Variants in TENM3 observed in about 807,000 individuals in gnomAD.
The protein encoded by TENM3 is teneurin transmembrane protein 3.
A neutral mutation model predicts 255.1 loss-of-function variants in TENM3; 63 were observed. That is an observed-to-expected ratio of 0.25 (90% CI 0.20 to 0.30). The LOEUF (loss-of-function observed/expected upper bound fraction) is 0.30. Among genes scored for constraint, TENM3 ranks in the 10% least tolerant of loss-of-function variants. The pLI, the probability that TENM3 is intolerant of heterozygous loss-of-function variation, is 1.00. For synonymous variants in TENM3, 1,306 were observed against 1,322.3 expected (o/e 0.99, Z 0.27); for missense variants, 2,929 against 3,461.1 (o/e 0.85, Z 3.86).
intron 3 of TENM3, among the ~76,000 whole-genome samples, chr4:182,432,299 G>A (rs1002939419): frequency 3.3e-5 from 5 of 152,112 alleles, no homozygotes; most frequent in Non-Finnish European, 7.4e-5. Context: ...TCACTATTTT[G>A]TTGGACATCA....
chr4:181,469,569 G>A, the TENM3 span, among the ~76,000 whole-genome samples: 2 of 152,180 alleles, frequency 1.3e-5, no homozygotes, highest in East Asian at 1.9e-4. Context: ...ATAGTTAAGG[G>A]TAGTAAGCCA....
chr4:181,678,251 G>A, the TENM3 span, among the ~76,000 whole-genome samples: 7 of 152,048 alleles, frequency 4.6e-5, no homozygotes, highest in Admixed American at 1.3e-4. Context: ...AGAAAACAGA[G>A]TTCAGTGCAA....
intron 3 of TENM3, among the ~76,000 whole-genome samples, chr4:182,519,519 G>A (rs1738345010): frequency 6.6e-6 from 1 of 152,058 alleles, no homozygotes; most frequent in Non-Finnish European, 1.5e-5. Context: ...CATTTGTAGG[G>A]GCAAGAGAAA....
chr4:181,898,707 A>G, the TENM3 span, among the ~76,000 whole-genome samples: 2 of 152,170 alleles, frequency 1.3e-5, no homozygotes, highest in Non-Finnish European at 2.9e-5. Flanking sequence ...TTGGGAAAAT[A>G]TTCTTTGTGG....
intron 1 of TENM3, among the ~76,000 whole-genome samples, chr4:182,203,803 G>A (rs1467665002): frequency 2.0e-5 from 3 of 152,184 alleles, no homozygotes; most frequent in African/African-American, 7.2e-5. Flanking sequence ...AAGGACATCT[G>A]CTGCTGAATA....
At chr4:181,817,127 C>T in the TENM3 span, among the ~76,000 whole-genome samples, 1 of 152,256 alleles carries the variant, frequency 6.6e-6, no homozygotes, top group East Asian at 1.9e-4. Context: ...TGGCTGCTGC[C>T]TCCTCATGAG....
At chr4:182,028,455 A>G in the TENM3 span, among the ~76,000 whole-genome samples, 1 of 151,726 alleles carries the variant, frequency 6.6e-6, no homozygotes, top group South Asian at 2.1e-4. Flanking sequence ...CTTCACTTCA[A>G]TCTCATTTAT....
chr4:182,668,831 A>G (rs1442281817), intron 6 of TENM3, among the ~76,000 whole-genome samples: 1 of 152,198 alleles, frequency 6.6e-6, no homozygotes, highest in Non-Finnish European at 1.5e-5. Context: ...TACCATTACC[A>G]CAGCTAATCC....
chr4:181,814,587 C>CGTGTGT, the TENM3 span, among the ~76,000 whole-genome samples: 2,502 of 149,436 alleles, frequency 0.017, 71 homozygotes, highest in African/African-American at 0.053. Flanking sequence ...TTTTTAAATG[C>CGTGTGT]GTGTGTGTGT....
chr4:182,417,755 G>A (rs988211243), intron 3 of TENM3, among the ~76,000 whole-genome samples: 4 of 152,148 alleles, frequency 2.6e-5, no homozygotes, highest in African/African-American at 9.7e-5. Context: ...TTTAAGTGAA[G>A]AGTGAAAATC....
intron 3 of TENM3, among the ~76,000 whole-genome samples, chr4:182,351,426 C>T (rs1765173980): frequency 6.6e-6 from 1 of 152,184 alleles, no homozygotes; most frequent in Non-Finnish European, 1.5e-5. Context: ...TCACACTGGT[C>T]AGGGCTCACA....
In TENM3 at chr4:182,219,010, G is replaced by T. The variant is rs191769101; in HGVS notation, c.-76+74256G>T. Among the ~76,000 whole-genome samples, 291 of 152,340 alleles carry T rather than the reference G, an allele frequency of 1.9e-3. 1 individual carries two copies. Among genetic ancestry groups the T allele is most frequent in the African/African-American group, 6.7e-3 (278 of 41,584 alleles). ...GGCCGAGGCAGGCGGATCACCTGAG[G>T]TCAGGAGCTGGAGACCAGCCTGGCC... is the stretch of plus-strand genomic sequence containing the variant. On this transcript the variant is annotated intron_variant, in intron 1 of 2. Transcript: ENST00000512480.
At chr4:182,055,221 C>A in the TENM3 span, among the ~76,000 whole-genome samples, 3 of 152,020 alleles carry the variant, frequency 2.0e-5, no homozygotes, top group African/African-American at 7.3e-5. Context: ...GTGGTGCACA[C>A]CTATAGTCCC....
At position 182,673,130 on chromosome 4, in the gene TENM3, C is replaced by A; in HGVS notation, c.1237C>A (p.Pro413Thr). The A allele has an allele frequency of 6.2e-7, 1 of 1,613,670 alleles. No individual in the cohort carries two copies. The highest frequency in any genetic ancestry group is 8.5e-7 in the Non-Finnish European group (1 of 1,179,726). ...GAGATCACAGCTCTTCATTGATCAGCCACAGTTTCTTAAATTCAATATCTC... is the reference window on the plus strand; with the variant it reads ...GAGATCACAGCTCTTCATTGATCAGACACAGTTTCTTAAATTCAATATCTC... ...FWRSQLFIDQ[P>T]QFLKFNISLQ... Residue 413 changes from proline to threonine, a missense_variant, in exon 7 of 28, where the codon CCA (proline) becomes ACA (threonine). Coordinates refer to ENST00000511685, the MANE Select transcript of TENM3 (RefSeq NM_001080477.4).
chr4:181,543,593 C>G, the TENM3 span, among the ~76,000 whole-genome samples: 1 of 152,218 alleles, frequency 6.6e-6, no homozygotes, highest in African/African-American at 2.4e-5. Flanking sequence ...CACAACCTGC[C>G]TTTTCCCAGC....
the TENM3 span, among the ~76,000 whole-genome samples, chr4:181,836,204 C>CAT: frequency 6.6e-6 from 1 of 151,646 alleles, no homozygotes; most frequent in Non-Finnish European, 1.5e-5. Context: ...CACACACACA[C>CAT]ACACAACTTC....
At chr4:182,655,346 T>A (rs1027455740) in intron 6 of TENM3, among the ~76,000 whole-genome samples, 1 of 152,166 alleles carries the variant, frequency 6.6e-6, no homozygotes, top group Non-Finnish European at 1.5e-5. Context: ...TTATTATGGA[T>A]ATTGTATTTA....
chr4:182,706,704 C>T lies in TENM3; in HGVS notation c.2222-7383C>T, dbSNP rs560104341. 1.5e-4 allele frequency among the ~76,000 whole-genome samples: 23 copies of T among 152,158 alleles called. No individual in the cohort carries two copies. In the East Asian group the frequency reaches 2.7e-3, roughly 18 times the overall value. On this transcript the variant is annotated intron_variant, in intron 12 of 27. Transcript: ENST00000511685. ...TTAGCCAGGCACAGTGACTCATGCC[C>T]GTAATCCTAGCAGTTGGGAGGCTGA...
the TENM3 span, among the ~76,000 whole-genome samples, chr4:181,605,396 A>G: frequency 1.3e-5 from 2 of 149,750 alleles, no homozygotes; most frequent in African/African-American, 5.0e-5. Flanking sequence ...GTGAGCTGAG[A>G]TCGCCCCACG....
Sources: allele counts gnomAD v4.1 joint callset (sites outside exome capture counted in the v4.1 genomes callset), GRCh38; gene constraint gnomAD v4.1.1; transcripts MANE v1.5; gene names NCBI Gene and HGNC (gene_info 2026-07-23, HGNC 2026-07-21).